TRIM42: variants seen among roughly 807,000 people sequenced by gnomAD.
TRIM42 encodes the protein tripartite motif containing 42.
Under a neutral mutation model 64.9 loss-of-function variants are expected in TRIM42, and 59 were observed. That is an observed-to-expected ratio of 0.91 (90% CI 0.74 to 1.13). TRIM42 has a LOEUF of 1.13. TRIM42 is among the 50% of genes most tolerant of loss of function. The pLI is 0.00. For missense variants in TRIM42, 878 were observed against 929.5 expected (o/e 0.94, Z 0.72); for synonymous variants, 354 against 346.3 (o/e 1.02, Z -0.25).
rs781680557 is a variant in TRIM42, at chr3:140,687,711, C to T, written c.1040-11C>T. 1.8e-5 allele frequency: 29 copies of T among 1,586,284 alleles called. No homozygotes were observed. The highest frequency in any genetic ancestry group is 2.5e-5 in the Non-Finnish European group (29 of 1,167,790). ...AAAATTTTAAAAGTAACTAACTTGG[C>T]ATTTTTGCAGTCCGATATGAAATTG... is the stretch of plus-strand genomic sequence containing the variant. On this transcript the variant is annotated splice_polypyrimidine_tract_variant and intron_variant, in intron 2 of 4. Transcript: ENST00000286349.
intron 3 of TRIM42, among the ~76,000 whole-genome samples, chr3:140,689,654 G>A (rs942354967): frequency 2.0e-5 from 3 of 151,794 alleles, no homozygotes; most frequent in African/African-American, 7.3e-5. Context: ...ATGTTTTATT[G>A]TCTATAATTA....
At chr3:140,682,192 C>T (rs147689180) in intron 1 of TRIM42, among the ~76,000 whole-genome samples, 14 of 152,290 alleles carry the variant, frequency 9.2e-5, no homozygotes, top group Admixed American at 2.0e-4. Flanking sequence ...AAGTATTAAA[C>T]TCAATTTTAA....
Position 140,682,693 on chromosome 3 carries a change from C to T in TRIM42, c.573C>T (p.Cys191=), listed in dbSNP as rs143917166. 60 of 1,612,674 alleles carry T rather than the reference C, an allele frequency of 3.7e-5. No homozygotes were observed. The highest frequency in any genetic ancestry group is 1.6e-4 in the Middle Eastern group (1 of 6,062). Residue 191 remains cysteine, a synonymous_variant, in exon 2 of 5, where the codon TGC becomes TGT. Transcript: ENST00000286349. ...ENFFILICPV[C]DRSHCMPYSN... is the part of the protein sequence containing the mutation. ...TCTTCATCCTCATCTGCCCAGTGTG[C>T]GACCGCTCGCACTGCATGCCCTACA...
At position 140,700,918 on chromosome 3, in the gene TRIM42, C is replaced by T. The variant is rs749927472; in HGVS notation, c.2116C>T (p.Arg706Ter). The change falls in exon 5 of 5, where the codon CGA becomes TGA. Residue 706 changes from arginine (R) to a stop codon, truncating the protein, a stop_gained. Coordinates refer to ENST00000286349, the MANE Select transcript of TRIM42 (RefSeq NM_152616.5). LOFTEE classifies it high-confidence loss of function. ...AACACCAGATGGACATGGGAAGAAC[C>T]GAGCTAAGTGGGGCCTGCTGAAGAA... is the stretch of plus-strand genomic sequence containing the variant. The part of the protein sequence containing the change: ...VVTPDGHGKN[R>*]AKWGLLKNIQ... The T allele has an allele frequency of 3.4e-5, 55 of 1,614,008 alleles. No individual in the cohort carries two copies. Among genetic ancestry groups the T allele is most frequent in the Admixed American group, 6.7e-5 (4 of 60,010 alleles).
At chr3:140,700,006 C>T (rs967974143) in intron 4 of TRIM42, among the ~76,000 whole-genome samples, 2 of 152,170 alleles carry the variant, frequency 1.3e-5, no homozygotes, top group Non-Finnish European at 2.9e-5. Context: ...ACAAACCCCA[C>T]CCCCATTCTA....
At chr3:140,690,689 G>A (rs957843640) in intron 3 of TRIM42, among the ~76,000 whole-genome samples, 3 of 149,984 alleles carry the variant, frequency 2.0e-5, no homozygotes, top group South Asian at 2.1e-4. Context: ...TCTATTTTTC[G>A]GTATTTTTCA....
rs771992677 is a variant in TRIM42 at position 140,682,764 on chromosome 3, C to T, written c.644C>T (p.Thr215Ile). 3.2e-5 allele frequency: 51 copies of T among 1,613,386 alleles called. No homozygotes were observed. The highest frequency in any genetic ancestry group is 4.3e-5 in the Non-Finnish European group (51 of 1,180,038). ...GAGAACTACCTGCACGGGCGTCTCA[C>T]CAAGCGCTACATGCAGGAGCACGGC... is the stretch of plus-strand genomic sequence containing the variant. ...LPENYLHGRLTKRYMQEHGYL... is the reference protein window; with the variant it reads ...LPENYLHGRLIKRYMQEHGYL... The change falls in exon 2 of 5, where the codon ACC becomes ATC. Residue 215 changes from threonine to isoleucine, a missense_variant. Coordinates refer to ENST00000286349, the MANE Select transcript of TRIM42 (RefSeq NM_152616.5).
Position 140,683,100 on chromosome 3 carries a change from T to G in TRIM42, c.980T>G (p.Ile327Ser). Residue 327 changes from isoleucine (I) to serine (S), a missense_variant, in exon 2 of 5, where the codon ATC (isoleucine) becomes AGC (serine). Physicochemically the swap from Ile to Ser is moderately radical, Grantham distance 142 (BLOSUM62 -2). Transcript: ENST00000286349. ...AATGGCCACGACACCATTAGCCTCA[T>G]CGACGCCTGCTCCGAGAGGGCCGCC... ...FHNGHDTISLIDACSERAASL... is the reference protein window; with the variant it reads ...FHNGHDTISLSDACSERAASL... 6.2e-7 allele frequency: 1 copy of G among 1,614,172 alleles called. No homozygotes were observed. Among genetic ancestry groups the G allele is most frequent in the Non-Finnish European group, 8.5e-7 (1 of 1,180,024 alleles).
At chr3:140,693,173 A>AT (rs1988765994) in intron 4 of TRIM42, among the ~76,000 whole-genome samples, 1 of 152,270 alleles carries the variant, frequency 6.6e-6, no homozygotes, top group Admixed American at 6.5e-5. Context: ...TGAAGAAATA[A>AT]ATTGATAAAA....
At position 140,682,555 on chromosome 3, in the gene TRIM42, T is replaced by C. The variant is rs536649637; in HGVS notation, c.435T>C (p.Asn145=). Residue 145 remains asparagine (N), a synonymous_variant, in exon 2 of 5, where the codon AAT becomes AAC. Coordinates refer to ENST00000286349, the MANE Select transcript of TRIM42 (RefSeq NM_152616.5). ...PANSHLVNHL[N]CPMCSRLRLH... is the part of the protein sequence containing the mutation. ...ACAGTCACCTGGTGAACCACCTCAA[T>C]TGCCCCATGTGCAGCCGGCTGCGCC... 3 of 1,614,196 alleles carry C rather than the reference T, an allele frequency of 1.9e-6. No individual in the cohort carries two copies. Among genetic ancestry groups the C allele is most frequent in the Middle Eastern group, 3.3e-4 (2 of 6,062 alleles).
rs1396446063 is a variant in TRIM42, at chr3:140,690,290, A to G, written c.1861-678A>G. On this transcript the variant is annotated intron_variant, in intron 3 of 4. Coordinates refer to ENST00000286349, the MANE Select transcript of TRIM42 (RefSeq NM_152616.5). Reference sequence around the variant, plus strand: ...TTTAAACTCAGTTTTAGTTCTAGGAATCTCTTCCAAGAAAATTATTAAAAA... The same window carrying G: ...TTTAAACTCAGTTTTAGTTCTAGGAGTCTCTTCCAAGAAAATTATTAAAAA... Among the ~76,000 whole-genome samples the G allele has an allele frequency of 2.0e-5, 3 of 151,974 alleles. No homozygotes were observed. The East Asian group carries it at 5.8e-4, about 29-fold the overall frequency.
intron 1 of TRIM42, among the ~76,000 whole-genome samples, chr3:140,681,899 T>TA (rs572853814): frequency 3.5e-4 from 52 of 147,280 alleles, no homozygotes; most frequent in East Asian, 7.9e-4. Context: ...GTTTTTTGGT[T>TA]AAAAAAAAAA....
intron 2 of TRIM42, among the ~76,000 whole-genome samples, chr3:140,686,231 C>T (rs62268315): frequency 1.4e-4 from 21 of 152,232 alleles, no homozygotes; most frequent in Non-Finnish European, 2.5e-4. Flanking sequence ...GAAAATAATG[C>T]GCAAAGTAGA....
At chr3:140,685,928 G>C (rs1050450117) in intron 2 of TRIM42, among the ~76,000 whole-genome samples, 1 of 152,164 alleles carries the variant, frequency 6.6e-6, no homozygotes, top group Non-Finnish European at 1.5e-5. Context: ...TCCATAAAAA[G>C]TGTTTAATAA....
chr3:140,688,451 T>C lies in TRIM42; in HGVS notation c.1769T>C (p.Phe590Ser). Residue 590 changes from phenylalanine (F) to serine (S), a missense_variant, in exon 3 of 5, where the codon TTC becomes TCC. By Grantham distance (155) the Phe-to-Ser change is radical. Transcript: ENST00000286349. ...CAGTCTGTACAGAACAGCAGCAGCTTCCACAACTGGTACTCATTCAACGAT... is the reference window on the plus strand; with the variant it reads ...CAGTCTGTACAGAACAGCAGCAGCTCCCACAACTGGTACTCATTCAACGAT... ...DSQSVQNSSS[F>S]HNWYSFNDGS... 1.2e-6 allele frequency: 2 copies of C among 1,614,148 alleles called. No individual in the cohort carries two copies. Among genetic ancestry groups the C allele is most frequent in the Non-Finnish European group, 1.7e-6 (2 of 1,180,026 alleles).
chr3:140,683,000 C>T lies in TRIM42; in HGVS notation c.880C>T (p.Pro294Ser), dbSNP rs750079830. 2.5e-6 allele frequency: 4 copies of T among 1,614,242 alleles called. No individual in the cohort carries two copies. Among genetic ancestry groups the T allele is most frequent in the South Asian group, 1.1e-5 (1 of 91,082 alleles). Residue 294 changes from proline (P) to serine (S), a missense_variant, in exon 2 of 5, where the codon CCA (proline) becomes TCA (serine). Transcript: ENST00000286349. Reference sequence around the variant, plus strand: ...GGACGAGAAGATCTGCATCCACCACCCATCCAGCCGCATCATCGAGTACTG... The same window carrying T: ...GGACGAGAAGATCTGCATCCACCACTCATCCAGCCGCATCATCGAGTACTG... The part of the protein sequence containing the change: ...EQDEKICIHH[P>S]SSRIIEYCRN...
In TRIM42 at chr3:140,696,649, T is replaced by C. The variant is rs183863216; in HGVS notation, c.2086-4239T>C. ...GTCTGCAATCAAAATGTTGGCAGGG[T>C]TGGTTTCTCCTGAGACCTCTCTCCT... On this transcript the variant is annotated intron_variant, in intron 4 of 4. Coordinates refer to ENST00000286349, the MANE Select transcript of TRIM42 (RefSeq NM_152616.5). Among the ~76,000 whole-genome samples the C allele has an allele frequency of 2.0e-5, 3 of 152,300 alleles. No individual in the cohort carries two copies. In the East Asian group the frequency reaches 5.8e-4, roughly 29 times the overall value.
chr3:140,694,268 A>G (rs986609278), intron 4 of TRIM42, among the ~76,000 whole-genome samples: 5 of 152,224 alleles, frequency 3.3e-5, no homozygotes, highest in Admixed American at 6.5e-5. Flanking sequence ...CCTGGATTCA[A>G]GTCCCAACTC....
intron 1 of TRIM42, 69 bp from the exon 2 acceptor site, chr3:140,682,393 C>T (rs1988421644): frequency 1.4e-6 from 2 of 1,477,740 alleles, no homozygotes. Context: ...AGAGTTCTTT[C>T]AGAGGTAGAG....
Sources: allele counts gnomAD v4.1 joint callset (sites outside exome capture counted in the v4.1 genomes callset), GRCh38; gene constraint gnomAD v4.1.1; transcripts MANE v1.5; gene names NCBI Gene and HGNC (gene_info 2026-07-23, HGNC 2026-07-21).